Variants in ATRN observed in about 807,000 individuals in gnomAD.
ATRN encodes attractin-2.
In ATRN, 54 loss-of-function variants were observed where a neutral mutation model predicts 178.7. The ratio of observed to expected loss-of-function variants is 0.30; its 90% CI spans 0.24 to 0.38. The LOEUF (loss-of-function observed/expected upper bound fraction) is 0.38. ATRN is among the 10% of genes least tolerant of loss of function. ATRN has a pLI of 1.00. For missense variants in ATRN, 1,443 were observed against 1,815.1 expected (o/e 0.79, Z 3.73); for synonymous variants, 636 against 663.0 (o/e 0.96, Z 0.63).
At chr20:3,538,733 T>C (rs2085575872) in intron 2 of ATRN, among the ~76,000 whole-genome samples, 1 of 152,188 alleles carries the variant, frequency 6.6e-6, no homozygotes, top group Non-Finnish European at 1.5e-5. Context: ...TCTCTACAGC[T>C]GGGAGACCCA....
chr20:3,600,941 A>G lies in ATRN; in HGVS notation c.3565-5A>G, dbSNP rs748458831. Reference sequence around the variant, plus strand: ...AATTTTCTAATAATTTGTACCGCTCATCAGCAAAACAGGGATTTGGACATG... The same window carrying G: ...AATTTTCTAATAATTTGTACCGCTCGTCAGCAAAACAGGGATTTGGACATG... On this transcript the variant is annotated splice_polypyrimidine_tract_variant and splice_region_variant and intron_variant, in intron 22 of 28. Transcript: ENST00000262919. 1 of 1,611,766 alleles carries G rather than the reference A, an allele frequency of 6.2e-7. No homozygotes were observed. Among genetic ancestry groups the G allele is most frequent in the Admixed American group, 1.7e-5 (1 of 59,910 alleles).
intron 23 of ATRN, among the ~76,000 whole-genome samples, chr20:3,602,963 C>CAAAAAAAAAAA (rs3842439): frequency 9.8e-5 from 4 of 40,878 alleles, no homozygotes; most frequent in African/African-American, 4.4e-4. Context: ...AATTCCATCT[C>CAAAAAAAAAAA]AAAAAAAAAA....
At chr20:3,603,369 G>A (rs2086637745) in intron 23 of ATRN, among the ~76,000 whole-genome samples, 1 of 152,184 alleles carries the variant, frequency 6.6e-6, no homozygotes, top group South Asian at 2.1e-4. Context: ...GTGAATGCCA[G>A]TGCTTGTTAA....
chr20:3,581,626 A>G (rs1299618040), intron 15 of ATRN, among the ~76,000 whole-genome samples: 1 of 150,738 alleles, frequency 6.6e-6, no homozygotes, highest in Non-Finnish European at 1.5e-5. Context: ...TTCAGCATCC[A>G]TCATGTTGGC....
At chr20:3,490,855 C>T in intron 1 of ATRN, 3 of 839,990 alleles carry the variant, frequency 3.6e-6, no homozygotes, top group Non-Finnish European at 6.3e-6. Flanking sequence ...CTCAGGTTCC[C>T]ACTGACCTCC....
chr20:3,551,527 C>G (rs1323951873), intron 6 of ATRN, among the ~76,000 whole-genome samples: 1 of 152,102 alleles, frequency 6.6e-6, no homozygotes, highest in Non-Finnish European at 1.5e-5. Flanking sequence ...ACAGGAATCT[C>G]TATCTCCAGC....
At chr20:3,554,887 A>AG (rs1312243245) in intron 6 of ATRN, among the ~76,000 whole-genome samples, 3 of 152,060 alleles carry the variant, frequency 2.0e-5, no homozygotes, top group Non-Finnish European at 4.4e-5. Context: ...TTAAAAAAAA[A>AG]TAGTAAGAAA....
intron 1 of ATRN, among the ~76,000 whole-genome samples, chr20:3,507,468 C>T (rs993990933): frequency 2.6e-5 from 4 of 150,974 alleles, no homozygotes; most frequent in South Asian, 2.1e-4. Flanking sequence ...TTGCACATAC[C>T]GAAAAGAGTT....
At chr20:3,628,981 G>A in intron 25 of ATRN, 1 of 985,298 alleles carries the variant, frequency 1.0e-6, no homozygotes, top group Non-Finnish European at 1.2e-6. Flanking sequence ...ATGCCCAGAA[G>A]TGACCAATTC....
rs931505687 is a variant in ATRN at position 3,651,104 on chromosome 20, T to C, written c.*4257T>C. The C allele has an allele frequency of 6.6e-6, 1 of 152,596 alleles. No individual in the cohort carries two copies. Among genetic ancestry groups the C allele is most frequent in the African/African-American group, 2.4e-5 (1 of 41,422 alleles). 9.5% of individuals were successfully genotyped at this position (152,596 alleles called of 1,614,324 possible). On this transcript the variant is annotated 3_prime_UTR_variant, in exon 29 of 29. Coordinates refer to ENST00000262919, the MANE Select transcript of ATRN (RefSeq NM_139321.3). Reference sequence around the variant, plus strand: ...TACAAACTTCCTTCTGAAATAAAAGTAGATCTGGTAAAAATGTGGCTTTTG... The same window carrying C: ...TACAAACTTCCTTCTGAAATAAAAGCAGATCTGGTAAAAATGTGGCTTTTG...
intron 1 of ATRN, among the ~76,000 whole-genome samples, chr20:3,484,137 T>C (rs765685612): frequency 1.3e-5 from 2 of 152,044 alleles, no homozygotes; most frequent in Non-Finnish European, 2.9e-5. Context: ...TAGTCTTAGC[T>C]ACTTGGGAAG....
chr20:3,529,337 T>C (rs2085417835), intron 1 of ATRN, among the ~76,000 whole-genome samples: 2 of 152,212 alleles, frequency 1.3e-5, no homozygotes. Context: ...TCCAGTGATT[T>C]CATTTTGTAT....
chr20:3,572,696 T>C, intron 11 of ATRN, 35 bp from the exon 12 acceptor site: 1 of 1,550,236 alleles, frequency 6.5e-7, no homozygotes, highest in Non-Finnish European at 8.9e-7. Flanking sequence ...TATCTGAGTC[T>C]CTAGTAAATT....
At chr20:3,560,468 T>C (rs6051949) in intron 7 of ATRN, among the ~76,000 whole-genome samples, 194 bp from the exon 8 acceptor site, 7,291 of 152,272 alleles carry the variant, frequency 0.048, 531 homozygotes, top group African/African-American at 0.16. Context: ...TGCAGATATC[T>C]CTTTGATATG....
At chr20:3,600,101 G>A (rs528959010) in intron 22 of ATRN, among the ~76,000 whole-genome samples, 1 of 152,192 alleles carries the variant, frequency 6.6e-6, no homozygotes, top group East Asian at 1.9e-4. Flanking sequence ...AAAAATAATT[G>A]TTTGACCCCA....
chr20:3,522,748 C>T (rs1299488931), intron 1 of ATRN, among the ~76,000 whole-genome samples: 1 of 152,158 alleles, frequency 6.6e-6, no homozygotes, highest in African/African-American at 2.4e-5. Flanking sequence ...TGATCTGCAG[C>T]CTCCAGTGGT....
chr20:3,522,605 C>T (rs770314668), intron 1 of ATRN, among the ~76,000 whole-genome samples: 10 of 152,218 alleles, frequency 6.6e-5, no homozygotes, highest in Non-Finnish European at 1.0e-4. Context: ...CCCTGACCCC[C>T]GTGCCTCCTG....
Position 3,471,300 on chromosome 20 carries a change from C to T in ATRN, c.193C>T (p.Leu65=), listed in dbSNP as rs1398454562. The change falls in exon 1 of 29, where the codon CTG becomes TTG. Residue 65 remains leucine (L), a synonymous_variant. Coordinates refer to ENST00000262919, the MANE Select transcript of ATRN (RefSeq NM_139321.3). ...PPLRPRLLLL[L]LLLSPPLLLL... ...GCTGCGGCCACGGCTGCTGCTGCTG[C>T]TGTTGTTGCTCTCGCCGCCGCTGCT... The T allele has an allele frequency of 2.6e-5, 38 of 1,474,666 alleles. No individual in the cohort carries two copies. The highest frequency in any genetic ancestry group is 7.8e-5 in the South Asian group (6 of 76,476). 91.3% of individuals were successfully genotyped at this position (1,474,666 alleles called of 1,614,324 possible). A position where few individuals can be genotyped will look rare whatever the true frequency, so the allele number is the denominator to read the frequency against.
Position 3,569,752 on chromosome 20 carries a change from C to T in ATRN, c.1872-2979C>T, listed in dbSNP as rs985317853. On this transcript the variant is annotated intron_variant, in intron 11 of 28. Coordinates refer to ENST00000262919, the MANE Select transcript of ATRN (RefSeq NM_139321.3). ...AAAGATGAAGACTTAATTTTTAAAA[C>T]ACAACCCCTATGCAGTTATTACACT... is the stretch of plus-strand genomic sequence containing the variant. Among the ~76,000 whole-genome samples the T allele has an allele frequency of 8.5e-5, 13 of 152,148 alleles. 1 individual carries two copies. Among genetic ancestry groups the T allele is most frequent in the African/African-American group, 3.1e-4 (13 of 41,440 alleles).
Sources: gnomAD v4.1 joint callset for allele counts (sites outside exome capture counted in the v4.1 genomes callset) on GRCh38, gnomAD v4.1.1 for gene constraint, MANE v1.5 for transcripts, NCBI Gene and HGNC (gene_info 2026-07-23, HGNC 2026-07-21) for gene names.